MAPK10: variants seen among roughly 807,000 people sequenced by gnomAD.
The protein encoded by MAPK10 is mitogen-activated protein kinase 10, also known as JNK3 alpha protein kinase.
A neutral mutation model predicts 59.3 loss-of-function variants in MAPK10; 25 were observed. The ratio of observed to expected loss-of-function variants is 0.42; its 90% CI spans 0.31 to 0.59. MAPK10 has a LOEUF of 0.59. Ranked by LOEUF, MAPK10 falls within the 20% of genes least tolerant of loss-of-function variation. The probability of loss-of-function intolerance (pLI) is 0.15; values close to 1 mark genes in which losing one functional copy is unlikely to be tolerated. For missense variants in MAPK10, 351 were observed against 568.9 expected (o/e 0.62, Z 3.90); for synonymous variants, 190 against 200.5 (o/e 0.95, Z 0.44).
intron 2 of MAPK10, among the ~76,000 whole-genome samples, chr4:86,206,188 C>T (rs376392497): frequency 4.2e-4 from 64 of 151,746 alleles, no homozygotes; most frequent in Middle Eastern, 6.8e-3. Flanking sequence ...AATGCTATCC[C>T]TCCCCCGTCC....
intron 2 of MAPK10, among the ~76,000 whole-genome samples, chr4:86,297,197 A>C (rs1295274675): frequency 1.3e-5 from 2 of 152,210 alleles, no homozygotes; most frequent in African/African-American, 4.8e-5. Context: ...GAATGTTGTT[A>C]ATTTGAATTT....
At chr4:86,075,109 C>A (rs1022528775) in intron 9 of MAPK10, among the ~76,000 whole-genome samples, 1 of 150,972 alleles carries the variant, frequency 6.6e-6, no homozygotes, top group Non-Finnish European at 1.5e-5. Flanking sequence ...ATTCTTTTTT[C>A]TCTAAACTTC....
intron 2 of MAPK10, among the ~76,000 whole-genome samples, chr4:86,218,626 T>G (rs1196070784): frequency 6.6e-6 from 1 of 150,990 alleles, no homozygotes; most frequent in Non-Finnish European, 1.5e-5. Context: ...AATAAAATCT[T>G]AATTCCTCTG....
Position 86,538,150 on chromosome 4 carries a change from TC to T in MAPK10, c.-263+55759del, listed in dbSNP as rs1241896039. ...TTAATTACTATAGCCTTATAATAAATCTTTTTTTTTTTTTAGACGGAGTTTC... is the reference window on the plus strand; with the variant it reads ...TTAATTACTATAGCCTTATAATAAATTTTTTTTTTTTTTAGACGGAGTTTC... On this transcript the variant is annotated intron_variant, in intron 1 of 4. Transcript: ENST00000502302. Among the ~76,000 whole-genome samples, 53 of 140,968 alleles carry T rather than the reference TC, an allele frequency of 3.8e-4. 1 individual carries two copies. The highest frequency in any genetic ancestry group is 1.3e-3 in the African/African-American group (51 of 40,760). The allele number at this position is 140,968 out of a possible 152,430, so 92.5% of individuals were successfully genotyped here.
At chr4:86,391,387 C>T (rs1380132745) in intron 1 of MAPK10, among the ~76,000 whole-genome samples, 1 of 152,170 alleles carries the variant, frequency 6.6e-6, no homozygotes, top group Non-Finnish European at 1.5e-5. Flanking sequence ...TCATACAAGT[C>T]AGAGTAGTTC....
intron 10 of MAPK10, 120 bp downstream of exon 10, chr4:86,067,653 T>C: frequency 1.2e-6 from 1 of 828,258 alleles, no homozygotes. Flanking sequence ...AATGTACGAT[T>C]ATCATGTGTC....
At position 86,494,842 on chromosome 4, in the gene MAPK10, C is replaced by CAAAAAAAA. The variant is rs567947232; in HGVS notation, c.-263+99060_-263+99067dup. ...TGGGCGACAGAGAGAGACTCCGTCT[C>CAAAAAAAA]AAAAAAAAAAAAAAAAAAAAAAAAA... On this transcript the variant is annotated intron_variant, in intron 1 of 4. Coordinates refer to the MAPK10 transcript ENST00000502302. Among the ~76,000 whole-genome samples, 15 of 23,988 alleles carry CAAAAAAAA rather than the reference C, an allele frequency of 6.3e-4. 7 individuals are homozygous for CAAAAAAAA. The highest frequency in any genetic ancestry group is 3.1e-3 in the African/African-American group (13 of 4,210). 15.7% of individuals were successfully genotyped at this position (23,988 alleles called of 152,430 possible). A position where few individuals can be genotyped will look rare whatever the true frequency, so the allele number is the denominator to read the frequency against.
chr4:86,421,589 T>C (rs1240229237), intron 1 of MAPK10, among the ~76,000 whole-genome samples: 1 of 152,048 alleles, frequency 6.6e-6, no homozygotes, highest in Non-Finnish European at 1.5e-5. Context: ...AGCTCGAGAA[T>C]GGGTGGCTCA....
intron 1 of MAPK10, among the ~76,000 whole-genome samples, chr4:86,430,235 T>G (rs1460240080): frequency 6.6e-6 from 1 of 152,200 alleles, no homozygotes; most frequent in Non-Finnish European, 1.5e-5. Flanking sequence ...TCCAACATTC[T>G]ATAAGAAGAG....
At chr4:86,469,523 A>T (rs1752492357) in intron 1 of MAPK10, among the ~76,000 whole-genome samples, 1 of 152,200 alleles carries the variant, frequency 6.6e-6, no homozygotes, top group Non-Finnish European at 1.5e-5. Context: ...ACTTGAATGA[A>T]CTTTAAGAAC....
rs1184589110 is a variant in MAPK10 at position 86,566,412 on chromosome 4, C to A, written c.-263+27498G>T. ...GCATCCTGTTTCCTTCCTATATTCA[C>A]CAGATATAAAAGTAGTCTAGGCCGG... On this transcript the variant is annotated intron_variant, in intron 1 of 4. Coordinates refer to the MAPK10 transcript ENST00000502302. Among the ~76,000 whole-genome samples, 5 of 152,242 alleles carry A rather than the reference C, an allele frequency of 3.3e-5. No homozygotes were observed. In the East Asian group the frequency reaches 9.6e-4, roughly 29 times the overall value.
At chr4:86,293,440 C>T (rs2095278823) in intron 2 of MAPK10, among the ~76,000 whole-genome samples, 3 of 152,160 alleles carry the variant, frequency 2.0e-5, no homozygotes, top group South Asian at 2.1e-4. Context: ...TAACTTGCAT[C>T]CCATGTCTGA....
At chr4:86,127,890 T>A (rs1198192374) in intron 4 of MAPK10, among the ~76,000 whole-genome samples, 1 of 152,020 alleles carries the variant, frequency 6.6e-6, no homozygotes, top group Non-Finnish European at 1.5e-5. Flanking sequence ...ATGTGAAACT[T>A]AGGGAAGCCT....
chr4:86,553,908 A>AT (rs1012114149), intron 1 of MAPK10, among the ~76,000 whole-genome samples: 24 of 148,298 alleles, frequency 1.6e-4, no homozygotes, highest in East Asian at 4.0e-4. Flanking sequence ...TTTTTTTAGA[A>AT]TTTTTTTTTA....
At chr4:86,239,464 A>T (rs946882795) in intron 2 of MAPK10, among the ~76,000 whole-genome samples, 2 of 152,080 alleles carry the variant, frequency 1.3e-5, no homozygotes, top group South Asian at 4.1e-4. Context: ...TTAGCTGTGA[A>T]TCCGTCTGGT....
chr4:86,291,537 A>T (rs2095227213), intron 2 of MAPK10, among the ~76,000 whole-genome samples: 1 of 152,196 alleles, frequency 6.6e-6, no homozygotes, highest in Admixed American at 6.5e-5. Context: ...GGAGCTATAC[A>T]CATTTTTTTA....
chr4:86,537,385 C>T (rs1455316196), intron 1 of MAPK10, among the ~76,000 whole-genome samples: 1 of 152,002 alleles, frequency 6.6e-6, no homozygotes, highest in Non-Finnish European at 1.5e-5. Flanking sequence ...TGCAAATATC[C>T]CCTAGCTCTA....
chr4:86,144,614 T>C (rs543036404), intron 4 of MAPK10, among the ~76,000 whole-genome samples: 1 of 152,222 alleles, frequency 6.6e-6, no homozygotes, highest in East Asian at 1.9e-4. Context: ...TCTCTTTCCT[T>C]CTCTCTCTCT....
At chr4:86,333,230 C>G (rs1486719148) in intron 2 of MAPK10, among the ~76,000 whole-genome samples, 3 of 152,120 alleles carry the variant, frequency 2.0e-5, no homozygotes, top group Non-Finnish European at 4.4e-5. Context: ...GAGAAATGGG[C>G]CAGTCAATAC....
Sources: gnomAD v4.1 joint callset for allele counts (sites outside exome capture counted in the v4.1 genomes callset) on GRCh38, gnomAD v4.1.1 for gene constraint, MANE v1.5 for transcripts, NCBI Gene and HGNC (gene_info 2026-07-23, HGNC 2026-07-21) for gene names.